NR6A1: variants seen among roughly 807,000 people sequenced by gnomAD.
The protein encoded by NR6A1 is nuclear receptor subfamily 6 group A member 1, also known as retinoic acid receptor-related testis-associated receptor.
A neutral mutation model predicts 59.1 loss-of-function variants in NR6A1; 7 were observed. The observed-to-expected ratio is 0.12, with a 90% CI of 0.07 to 0.22. The LOEUF (loss-of-function observed/expected upper bound fraction) is 0.22. Among genes scored for constraint, NR6A1 ranks in the 10% least tolerant of loss-of-function variants. NR6A1 has a pLI of 1.00. For missense variants in NR6A1, 468 were observed against 611.6 expected (o/e 0.77, Z 2.48); for synonymous variants, 243 against 236.1 (o/e 1.03, Z -0.27).
chr9:124,664,790 G>A (rs1457488333), intron 2 of NR6A1, among the ~76,000 whole-genome samples: 2 of 151,924 alleles, frequency 1.3e-5, no homozygotes, highest in African/African-American at 2.4e-5. Flanking sequence ...TACAGTATTA[G>A]ACACAGGTTG....
chr9:124,662,324 G>A (rs1837464752), intron 2 of NR6A1, among the ~76,000 whole-genome samples: 2 of 152,142 alleles, frequency 1.3e-5, no homozygotes, highest in Admixed American at 6.5e-5. Context: ...AAAAAACCAG[G>A]ACCTAGAAGT....
At chr9:124,563,978 T>C (rs1834159253) in intron 2 of NR6A1, among the ~76,000 whole-genome samples, 1 of 152,142 alleles carries the variant, frequency 6.6e-6, no homozygotes, top group Non-Finnish European at 1.5e-5. Context: ...CCTGGGATAC[T>C]GAGGTGGGAG....
chr9:124,599,575 C>T, intron 2 of NR6A1: 1 of 1,063,654 alleles, frequency 9.4e-7, no homozygotes, highest in African/African-American at 1.7e-5. Flanking sequence ...CCGTGGCAGC[C>T]GCCATGAGGG....
intron 2 of NR6A1, among the ~76,000 whole-genome samples, chr9:124,670,987 G>A (rs1837778250): frequency 6.6e-6 from 1 of 152,156 alleles, no homozygotes. Context: ...AGTGAATTTT[G>A]AGGACATTAT....
At chr9:124,582,113 C>CAT (rs1834789754) in intron 2 of NR6A1, among the ~76,000 whole-genome samples, 1 of 152,126 alleles carries the variant, frequency 6.6e-6, no homozygotes, top group Non-Finnish European at 1.5e-5. Context: ...ATTATAAAGA[C>CAT]ATATGTACAT....
At chr9:124,534,745 GTC>G (rs760425031) in intron 7 of NR6A1, among the ~76,000 whole-genome samples, 1 of 152,218 alleles carries the variant, frequency 6.6e-6, no homozygotes, top group African/African-American at 2.4e-5. Context: ...TTATGGGAAA[GTC>G]TCTCTGAATT....
intron 2 of NR6A1, among the ~76,000 whole-genome samples, chr9:124,667,877 A>T (rs1210909928): frequency 6.6e-6 from 1 of 152,232 alleles, no homozygotes; most frequent in Non-Finnish European, 1.5e-5. Context: ...ATAACTTTTT[A>T]AGTTATTTAT....
intron 2 of NR6A1, among the ~76,000 whole-genome samples, chr9:124,632,458 T>C (rs1241228808): frequency 6.6e-6 from 1 of 152,230 alleles, no homozygotes; most frequent in Non-Finnish European, 1.5e-5. Flanking sequence ...TGGCCACATG[T>C]ATGTCTTTTC....
chr9:124,552,112 G>A (rs1463053044), intron 3 of NR6A1, among the ~76,000 whole-genome samples: 1 of 152,178 alleles, frequency 6.6e-6, no homozygotes, highest in Non-Finnish European at 1.5e-5. Context: ...GGAAGCCTCA[G>A]AATCTCACAC....
At chr9:124,530,251 C>G (rs1833064032) in intron 7 of NR6A1, among the ~76,000 whole-genome samples, 1 of 152,202 alleles carries the variant, frequency 6.6e-6, no homozygotes, top group African/African-American at 2.4e-5. Context: ...CAACAGGCAG[C>G]CACCGTGGAC....
At chr9:124,701,575 T>G (rs988236331) in intron 2 of NR6A1, among the ~76,000 whole-genome samples, 8 of 152,184 alleles carry the variant, frequency 5.3e-5, no homozygotes, top group African/African-American at 1.9e-4. Context: ...CCTAGCAACT[T>G]GTTTACTTTT....
chr9:124,639,308 C>A (rs1023253223), intron 2 of NR6A1, among the ~76,000 whole-genome samples: 2 of 152,170 alleles, frequency 1.3e-5, no homozygotes, highest in Non-Finnish European at 2.9e-5. Context: ...AACATGCCAA[C>A]AATAACGAGG....
At chr9:124,761,639 G>A (rs933848169) in intron 1 of NR6A1, among the ~76,000 whole-genome samples, 2 of 152,014 alleles carry the variant, frequency 1.3e-5, no homozygotes, top group Non-Finnish European at 2.9e-5. Context: ...CTGCATTACC[G>A]AAATCACAAC....
intron 2 of NR6A1, among the ~76,000 whole-genome samples, chr9:124,562,478 G>A (rs1834110342): frequency 6.6e-6 from 1 of 151,654 alleles, no homozygotes; most frequent in African/African-American, 2.4e-5. Flanking sequence ...GGAGTGCAGT[G>A]GCTATTCACA....
intron 2 of NR6A1, among the ~76,000 whole-genome samples, chr9:124,562,344 C>T (rs1303923187): frequency 6.6e-6 from 1 of 152,160 alleles, no homozygotes; most frequent in Non-Finnish European, 1.5e-5. Context: ...CATAACTAAA[C>T]ACAAACATTA....
chr9:124,533,165 G>C (rs948621582), intron 7 of NR6A1, among the ~76,000 whole-genome samples: 3 of 152,232 alleles, frequency 2.0e-5, no homozygotes, highest in African/African-American at 7.2e-5. Flanking sequence ...CGAACTGGTA[G>C]ATTCCAGGCA....
intron 2 of NR6A1, among the ~76,000 whole-genome samples, chr9:124,682,434 C>T (rs1838195461): frequency 6.6e-6 from 1 of 152,118 alleles, no homozygotes; most frequent in Admixed American, 6.5e-5. Context: ...TCTTCATATA[C>T]TTTAACCCAA....
chr9:124,751,850 G>A (rs975408965), intron 1 of NR6A1, among the ~76,000 whole-genome samples: 11 of 152,158 alleles, frequency 7.2e-5, no homozygotes, highest in African/African-American at 2.7e-4. Flanking sequence ...AGAATTTTAA[G>A]GATGCTATTT....
At chr9:124,699,217 G>C (rs1428664844) in intron 2 of NR6A1, among the ~76,000 whole-genome samples, 1 of 152,200 alleles carries the variant, frequency 6.6e-6, no homozygotes, top group Non-Finnish European at 1.5e-5. Context: ...CACAGGTACA[G>C]ACAAGTAGTT....
Sources: gnomAD v4.1 joint callset for allele counts (sites outside exome capture counted in the v4.1 genomes callset) on GRCh38, gnomAD v4.1.1 for gene constraint, MANE v1.5 for transcripts, NCBI Gene and HGNC (gene_info 2026-07-23, HGNC 2026-07-21) for gene names.